Variants in CLIP1 observed in about 807,000 individuals in gnomAD.
The protein encoded by CLIP1 is CAP-Gly domain-containing linker protein 1.
In CLIP1, 66 loss-of-function variants were observed where a neutral mutation model predicts 161.6. That is an observed-to-expected ratio of 0.41 (90% CI 0.33 to 0.50). The LOEUF (loss-of-function observed/expected upper bound fraction) is 0.50, where lower values mean the gene tolerates loss of function less well. Among genes scored for constraint, CLIP1 ranks in the 20% least tolerant of loss-of-function variants. The pLI, the probability that CLIP1 is intolerant of heterozygous loss-of-function variation, is 0.27. For synonymous variants in CLIP1, 598 were observed against 626.2 expected (o/e 0.96, Z 0.67); for missense variants, 1,376 against 1,702.0 (o/e 0.81, Z 3.37).
intron 1 of CLIP1, chr12:122,399,962 G>T (rs534789623): frequency 6.6e-6 from 1 of 152,234 alleles, no homozygotes; most frequent in Admixed American, 6.6e-5. Flanking sequence ...AAATTCAAAG[G>T]CTATGTTCTC....
chr12:122,309,581 T>C (rs1379230586), intron 20 of CLIP1, among the ~76,000 whole-genome samples, 181 bp downstream of exon 20: 1 of 152,178 alleles, frequency 6.6e-6, no homozygotes, highest in African/African-American at 2.4e-5. Flanking sequence ...AAATCTCTCC[T>C]ACCCTAAATC....
chr12:122,274,202 A>G, intron 24 of CLIP1, 40 bp from the exon 25 acceptor site: 1 of 1,535,614 alleles, frequency 6.5e-7, no homozygotes, highest in Non-Finnish European at 9.0e-7. Context: ...TGTCAAGAAT[A>G]TATATAAGCT....
intron 20 of CLIP1, among the ~76,000 whole-genome samples, chr12:122,289,953 T>C (rs1363392623): frequency 1.3e-5 from 2 of 152,092 alleles, no homozygotes; most frequent in Non-Finnish European, 2.9e-5. Flanking sequence ...GGATTACAGG[T>C]GCCTACCACC....
intron 1 of CLIP1, among the ~76,000 whole-genome samples, chr12:122,405,853 G>A (rs1209261931): frequency 1.3e-5 from 2 of 151,918 alleles, no homozygotes; most frequent in Non-Finnish European, 2.9e-5. Context: ...CGGATCACCT[G>A]AGGTCAGACG....
intron 3 of CLIP1, among the ~76,000 whole-genome samples, chr12:122,368,874 T>C (rs1954293961): frequency 6.6e-6 from 1 of 151,682 alleles, no homozygotes; most frequent in African/African-American, 2.4e-5. Context: ...GAGGTTGCAG[T>C]GACCCAAGAT....
intron 20 of CLIP1, among the ~76,000 whole-genome samples, chr12:122,300,079 G>A (rs1403951002): frequency 2.6e-5 from 4 of 152,146 alleles, no homozygotes; most frequent in Admixed American, 6.6e-5. Context: ...GCATCATAGC[G>A]AGACCCTTCT....
intron 3 of CLIP1, among the ~76,000 whole-genome samples, chr12:122,374,304 T>C (rs181516578): frequency 5.5e-4 from 63 of 114,762 alleles, no homozygotes; most frequent in Admixed American, 4.0e-4. Context: ...ACCCCGTCTC[T>C]ACTAAAAATA....
At chr12:122,356,083 T>C (rs1953333228) in intron 5 of CLIP1, 1 of 152,216 alleles carries the variant, frequency 6.6e-6, no homozygotes, top group African/African-American at 2.4e-5. Flanking sequence ...TACAAAAGAA[T>C]CAACCTTTTG....
intron 1 of CLIP1, among the ~76,000 whole-genome samples, chr12:122,409,733 T>C (rs2137153770): frequency 6.6e-6 from 1 of 151,938 alleles, no homozygotes; most frequent in Middle Eastern, 3.4e-3. Flanking sequence ...GCTTTCACCA[T>C]GTTGGCCAGG....
intron 20 of CLIP1, among the ~76,000 whole-genome samples, chr12:122,303,950 CAGGA>C: frequency 6.6e-6 from 1 of 152,294 alleles, no homozygotes; most frequent in East Asian, 1.9e-4. Flanking sequence ...GAGCAGCAAG[CAGGA>C]AGGAAGGGCC....
Position 122,382,217 on chromosome 12 carries a change from C to T in CLIP1, c.-106-1659G>A, listed in dbSNP as rs146509977. 3.1e-3 allele frequency among the ~76,000 whole-genome samples: 474 copies of T among 152,136 alleles called. 2 individuals carry two copies. The highest frequency in any genetic ancestry group is 0.011 in the African/African-American group (450 of 41,512). On this transcript the variant is annotated intron_variant, in intron 1 of 25. Transcript: ENST00000620786. The stretch of plus-strand genomic sequence containing the variant: ...TCTCTACTAAAAATATAAAATTAGC[C>T]GGGCATGGTGGTGCATGCCTATAAT...
chr12:122,405,570 C>T (rs1030783934), intron 1 of CLIP1, among the ~76,000 whole-genome samples: 1 of 151,950 alleles, frequency 6.6e-6, no homozygotes, highest in African/African-American at 2.4e-5. Context: ...GGATAGATCA[C>T]CTGAGGTGAA....
chr12:122,295,445 C>T (rs191617298), intron 20 of CLIP1, among the ~76,000 whole-genome samples: 1 of 152,284 alleles, frequency 6.6e-6, no homozygotes, highest in African/African-American at 2.4e-5. Context: ...TGTATAATGT[C>T]TAATGTTTTC....
intron 6 of CLIP1, 71 bp from the exon 7 acceptor site, chr12:122,354,627 A>C: frequency 1.6e-6 from 2 of 1,254,752 alleles, no homozygotes; most frequent in South Asian, 1.2e-5. Context: ...TACTTCTCCA[A>C]AGAGCTGTGG....
intron 5 of CLIP1, among the ~76,000 whole-genome samples, chr12:122,357,617 T>C (rs1593152990): frequency 7.5e-6 from 1 of 133,700 alleles, no homozygotes; most frequent in Non-Finnish European, 1.6e-5. Flanking sequence ...GGGGCGCCTC[T>C]GCCCGGCCAC....
At chr12:122,295,048 T>G (rs1169669970) in intron 20 of CLIP1, among the ~76,000 whole-genome samples, 1 of 147,498 alleles carries the variant, frequency 6.8e-6, no homozygotes, top group African/African-American at 2.5e-5. Context: ...AGAGCGAGAC[T>G]CCATCTCAAA....
intron 19 of CLIP1, among the ~76,000 whole-genome samples, chr12:122,312,967 T>G (rs780302784): frequency 6.6e-6 from 1 of 152,148 alleles, no homozygotes; most frequent in African/African-American, 2.4e-5. Flanking sequence ...AAGTGACTGC[T>G]TTGTTTTGAG....
At chr12:122,292,079 C>T (rs1950270364) in intron 20 of CLIP1, among the ~76,000 whole-genome samples, 1 of 152,140 alleles carries the variant, frequency 6.6e-6, no homozygotes. Context: ...GCAACCTCCG[C>T]TTCCCAGGTT....
Position 122,380,428 on chromosome 12 carries a change from G to A in CLIP1, c.25C>T (p.Leu9Phe), listed in dbSNP as rs752618367. ...TTCAGGATCTTGGTGGGGGCCTTAAGCCCACTTGGCTTTAGCATACTCATT... is the reference window on the plus strand; with the variant it reads ...TTCAGGATCTTGGTGGGGGCCTTAAACCCACTTGGCTTTAGCATACTCATT... The part of the protein sequence containing the change: MSMLKPSG[L>F]KAPTKILKPG... The change falls in exon 2 of 26, where the codon CTT (leucine) becomes TTT (phenylalanine). Residue 9 changes from leucine (L) to phenylalanine (F), a missense_variant. Transcript: ENST00000620786. 13 of 1,613,090 alleles carry A rather than the reference G, an allele frequency of 8.1e-6. No homozygotes were observed. The East Asian group carries it at 2.7e-4, about 33-fold the overall frequency.
Sources: gnomAD v4.1 joint callset for allele counts (sites outside exome capture counted in the v4.1 genomes callset) on GRCh38, gnomAD v4.1.1 for gene constraint, MANE v1.5 for transcripts, NCBI Gene and HGNC (gene_info 2026-07-23, HGNC 2026-07-21) for gene names.